The following DPYSL2 variants were observed in gnomAD, a reference collection of about 807,000 sequenced individuals.
The protein encoded by DPYSL2 is dihydropyrimidinase like 2.
DPYSL2 carries 13 observed loss-of-function variants against 69.9 expected under a neutral mutation model. The observed-to-expected ratio is 0.19, with a 90% confidence interval of 0.12 to 0.30. DPYSL2 has a LOEUF of 0.30. DPYSL2 is among the 10% of genes least tolerant of loss of function. DPYSL2 has a pLI of 1.00. For missense variants in DPYSL2, 587 were observed against 918.9 expected, an observed-to-expected ratio of 0.64 and a Z score of 4.67; for synonymous variants, 326 against 359.1, an observed-to-expected ratio of 0.91 and a Z score of 1.04.
rs1801723434 is a variant in DPYSL2, at chr8:26,591,390, G to T, written c.628+7407G>T. Among the ~76,000 whole-genome samples the T allele has an allele frequency of 6.6e-6, 1 of 152,214 alleles. No homozygotes were observed. Among genetic ancestry groups the T allele is most frequent in the Non-Finnish European group, 1.5e-5 (1 of 68,034 alleles). ...CAGGGTTCCTTATTGCTAGATGAAA[G>T]CTTCCACGACACACATGTGTCTAAG... On this transcript the variant is annotated intron_variant, in intron 3 of 13. Coordinates refer to ENST00000521913, the MANE Select transcript of DPYSL2 (RefSeq NM_001197293.3). The surrounding 1 kb of genome is among the most constrained non-coding windows in gnomAD (Gnocchi z 5.8).
At chr8:26,613,676 G>C (rs1174083242) in intron 3 of DPYSL2, among the ~76,000 whole-genome samples, 1 of 152,198 alleles carries the variant, frequency 6.6e-6, no homozygotes, top group Non-Finnish European at 1.5e-5. Flanking sequence ...GGAGGAGAGA[G>C]GAAATGACAG....
chr8:26,652,499 A>G lies in DPYSL2; in HGVS notation c.1776+63A>G, dbSNP rs539283159. On this transcript the variant is annotated intron_variant, in intron 12 of 13. Coordinates refer to ENST00000521913, the MANE Select transcript of DPYSL2 (RefSeq NM_001197293.3). The surrounding 1 kb of genome is among the most constrained non-coding windows in gnomAD (Gnocchi z 6.3). Reference sequence around the variant, plus strand: ...ACGAATTAAGTTCAAGGCCACAAACATTTATTAAGCACCTTGAGACAGAAT... The same window carrying G: ...ACGAATTAAGTTCAAGGCCACAAACGTTTATTAAGCACCTTGAGACAGAAT... The G allele has an allele frequency of 3.3e-6, 5 of 1,505,020 alleles. No individual in the cohort carries two copies. The highest frequency in any genetic ancestry group is 1.4e-5 in the African/African-American group (1 of 72,092). The allele number at this position is 1,505,020 out of a possible 1,614,324, so 93.2% of individuals were successfully genotyped here.
intron 1 of DPYSL2, among the ~76,000 whole-genome samples, chr8:26,563,190 A>C (rs1801100546): frequency 6.6e-6 from 1 of 152,132 alleles, no homozygotes; most frequent in African/African-American, 2.4e-5. Context: ...TTAAAGGGCC[A>C]CGCTCATGTC....
In DPYSL2 at chr8:26,627,339, T is replaced by C; in HGVS notation, c.936+44T>C. On this transcript the variant is annotated intron_variant, in intron 6 of 13. Transcript: ENST00000521913. This position sits in a 1 kb window ranked among gnomAD's most constrained non-coding sequence, Gnocchi z 6.9. ...CGTCATTTCTTCATCACCTGGAGGG[T>C]GAGAGGCAGGCTCAAGAAAGGGAAG... 1 of 1,597,680 alleles carries C rather than the reference T, an allele frequency of 6.3e-7. No homozygotes were observed. Among genetic ancestry groups the C allele is most frequent in the South Asian group, 1.1e-5 (1 of 90,620 alleles).
rs899414734 is a variant in DPYSL2, at chr8:26,648,652, C to T, written c.1596+852C>T. Among the ~76,000 whole-genome samples the T allele has an allele frequency of 5.3e-5, 8 of 152,218 alleles. No individual in the cohort carries two copies. The highest frequency in any genetic ancestry group is 8.8e-5 in the Non-Finnish European group (6 of 68,040). On this transcript the variant is annotated intron_variant, in intron 11 of 13. Transcript: ENST00000521913. This position sits in a 1 kb window ranked among gnomAD's most constrained non-coding sequence, Gnocchi z 4.3. ...GGGCAGAAGAGTTTCGTGTCAGGAA[C>T]TCATTTGAATCTTGAAGACAGCTCA...
chr8:26,547,238 C>G (rs562786146), intron 1 of DPYSL2, among the ~76,000 whole-genome samples: 2 of 152,104 alleles, frequency 1.3e-5, no homozygotes, highest in East Asian at 3.9e-4. Flanking sequence ...TGGCACACAC[C>G]TGTAATCCCA....
At position 26,588,679 on chromosome 8, in the gene DPYSL2, T is replaced by C. The variant is rs1256239457; in HGVS notation, c.628+4696T>C. Among the ~76,000 whole-genome samples, 1 of 152,114 alleles carries C rather than the reference T, an allele frequency of 6.6e-6. No individual in the cohort carries two copies. The highest frequency in any genetic ancestry group is 1.5e-5 in the Non-Finnish European group (1 of 68,002). ...CCGCAGGGCTGGAAGGGGCCCTCCC[T>C]CCTGAGTACCAGCCTTGTCACTTCT... On this transcript the variant is annotated intron_variant, in intron 3 of 13. Transcript: ENST00000521913. The surrounding 1 kb of genome is among the most constrained non-coding windows in gnomAD (Gnocchi z 5.4).
chr8:26,615,008 A>G (rs961398011), intron 3 of DPYSL2, among the ~76,000 whole-genome samples: 6 of 152,252 alleles, frequency 3.9e-5, no homozygotes, highest in Non-Finnish European at 5.9e-5. Flanking sequence ...GCACTGGCCA[A>G]GGCCACGTGG....
At position 26,556,383 on chromosome 8, in the gene DPYSL2, TAC is replaced by T. The variant is rs202137793; in HGVS notation, c.355-25580_355-25579del. Among the ~76,000 whole-genome samples, 292 of 102,782 alleles carry T rather than the reference TAC, an allele frequency of 2.8e-3. 13 individuals are homozygous for T. The highest frequency in any genetic ancestry group is 0.01 in the African/African-American group (287 of 27,398). 67.4% of individuals were successfully genotyped at this position (102,782 alleles called of 152,430 possible). A position where few individuals can be genotyped will look rare whatever the true frequency, so the allele number is the denominator to read the frequency against. On this transcript the variant is annotated intron_variant, in intron 1 of 13. Transcript: ENST00000521913. ...ATATATAGTATATATATATAGTATA[TAC>T]ACACATACATGCACACACATTTTTA...
intron 1 of DPYSL2, among the ~76,000 whole-genome samples, chr8:26,572,922 C>G (rs540469096): frequency 1.3e-5 from 2 of 152,066 alleles, no homozygotes; most frequent in African/African-American, 4.8e-5. Context: ...TGGTTTACTG[C>G]GATGAATGGG....
chr8:26,561,674 G>A (rs577112085), intron 1 of DPYSL2, among the ~76,000 whole-genome samples: 1 of 152,212 alleles, frequency 6.6e-6, no homozygotes, highest in East Asian at 1.9e-4. Flanking sequence ...ATGGAAAGAG[G>A]GACTGGGGCA....
Position 26,593,755 on chromosome 8 carries a change from G to A in DPYSL2, c.628+9772G>A, listed in dbSNP as rs1801794664. On this transcript the variant is annotated intron_variant, in intron 3 of 13. Transcript: ENST00000521913. The surrounding 1 kb of genome is among the most constrained non-coding windows in gnomAD (Gnocchi z 5.7). Reference sequence around the variant, plus strand: ...CAGGGTGGGTGCCGGGGGCAGAGGGGAACTGGAATGTGGACTGCTGTCCCC... The same window carrying A: ...CAGGGTGGGTGCCGGGGGCAGAGGGAAACTGGAATGTGGACTGCTGTCCCC... Among the ~76,000 whole-genome samples, 1 of 152,194 alleles carries A rather than the reference G, an allele frequency of 6.6e-6. No individual in the cohort carries two copies. Among genetic ancestry groups the A allele is most frequent in the South Asian group, 2.1e-4 (1 of 4,826 alleles).
chr8:26,627,789 A>G lies in DPYSL2; in HGVS notation c.937-83A>G. The stretch of plus-strand genomic sequence containing the variant: ...AGTGGTAATTTTCCATCTTGCCCGG[A>G]TAACTGCATGCCCGGGCCTCTGCCA... On this transcript the variant is annotated intron_variant, in intron 6 of 13. Coordinates refer to ENST00000521913, the MANE Select transcript of DPYSL2 (RefSeq NM_001197293.3). The surrounding 1 kb of genome is among the most constrained non-coding windows in gnomAD (Gnocchi z 6.9). 7.2e-7 allele frequency: 1 copy of G among 1,392,904 alleles called. No homozygotes were observed. The highest frequency in any genetic ancestry group is 1.2e-5 in the South Asian group (1 of 82,326). The allele number at this position is 1,392,904 out of a possible 1,614,324, so 86.3% of individuals were successfully genotyped here.
intron 1 of DPYSL2, among the ~76,000 whole-genome samples, chr8:26,528,041 T>C (rs539961517): frequency 1.3e-5 from 2 of 152,130 alleles, no homozygotes; most frequent in Non-Finnish European, 2.9e-5. Context: ...TGGCCTCAAG[T>C]GATTCTCCTC....
At chr8:26,592,906 C>T (rs553876676) in intron 3 of DPYSL2, among the ~76,000 whole-genome samples, 4 of 152,082 alleles carry the variant, frequency 2.6e-5, no homozygotes, top group African/African-American at 9.7e-5. Context: ...TTTCCTCTTC[C>T]TCCCCAAGCT....
At chr8:26,567,293 CCACCCACCACA>C (rs1393298595) in intron 1 of DPYSL2, among the ~76,000 whole-genome samples, 1 of 151,714 alleles carries the variant, frequency 6.6e-6, no homozygotes, top group Admixed American at 6.6e-5. Flanking sequence ...ATCCATCCAT[CCACCCACCACA>C]CATCCATCCA....
intron 13 of DPYSL2, 54 bp from the exon 14 acceptor site, chr8:26,655,561 C>A: frequency 6.9e-7 from 1 of 1,456,050 alleles, no homozygotes; most frequent in Non-Finnish European, 9.4e-7. Context: ...CAAGCAGGAT[C>A]TTGTGTGACT....
intron 3 of DPYSL2, among the ~76,000 whole-genome samples, chr8:26,608,277 T>C (rs1563407755): frequency 6.6e-6 from 1 of 152,220 alleles, no homozygotes; most frequent in Non-Finnish European, 1.5e-5. Flanking sequence ...AGGAAAAAGA[T>C]TGTCTAGACA....
chr8:26,537,634 A>ACACACACACACACACACACACACACAC (rs1554533026), intron 1 of DPYSL2, among the ~76,000 whole-genome samples: 1 of 150,584 alleles, frequency 6.6e-6, no homozygotes, highest in African/African-American at 2.4e-5. Context: ...ACACACACAC[A>ACACACACACACACACACACACACACAC]ACTGTATATT....
Sources: allele counts gnomAD v4.1 joint callset (sites outside exome capture counted in the v4.1 genomes callset), GRCh38; gene constraint gnomAD v4.1.1; non-coding constraint Gnocchi (gnomAD v3.1); transcripts MANE v1.5; gene names NCBI Gene and HGNC (gene_info 2026-07-23, HGNC 2026-07-21).